The following ZC3H3 variants were observed in gnomAD, a reference collection of about 807,000 sequenced individuals.
ZC3H3 encodes the protein zinc finger CCCH domain-containing protein 3.
ZC3H3 carries 36 observed loss-of-function variants against 77.3 expected under a neutral mutation model. The observed-to-expected ratio is 0.47, with a 90% CI of 0.36 to 0.61. The LOEUF is 0.61. ZC3H3 is among the 20% of genes least tolerant of loss of function. The probability of loss-of-function intolerance (pLI) is 0.00; values close to 1 mark genes in which losing one functional copy is unlikely to be tolerated. For synonymous variants in ZC3H3, 626 were observed against 555.2 expected (o/e 1.13, Z -1.79); for missense variants, 1,331 against 1,312.2 (o/e 1.01, Z -0.22).
intron 3 of ZC3H3, among the ~76,000 whole-genome samples, chr8:143,516,944 C>T (rs1563874098): frequency 6.6e-6 from 1 of 152,222 alleles, no homozygotes; most frequent in Non-Finnish European, 1.5e-5. Context: ...TGACAAATGA[C>T]CGCTGTCAGC....
At chr8:143,440,828 C>A in intron 10 of ZC3H3, 108 bp downstream of exon 10, 1 of 1,205,170 alleles carries the variant, frequency 8.3e-7, no homozygotes, top group Non-Finnish European at 1.1e-6. Context: ...TGGTCTGAGG[C>A]CCAAAGAGCT....
chr8:143,466,878 G>A (rs1320704074), intron 8 of ZC3H3, among the ~76,000 whole-genome samples: 6 of 152,318 alleles, frequency 3.9e-5, no homozygotes, highest in Admixed American at 3.9e-4. Flanking sequence ...GGGGCCTGAG[G>A]AGCCCTGGGG....
At chr8:143,534,851 C>T (rs564693620) in intron 3 of ZC3H3, among the ~76,000 whole-genome samples, 1 of 152,074 alleles carries the variant, frequency 6.6e-6, no homozygotes, top group Admixed American at 6.5e-5. Context: ...GGGGTACAGC[C>T]GACCAGCGCC....
rs569913180 is a variant in ZC3H3, at chr8:143,529,117, G to C, written c.1561+7140C>G. Among the ~76,000 whole-genome samples the C allele has an allele frequency of 6.6e-3, 1,009 of 152,322 alleles. 9 individuals are homozygous for C. The highest frequency in any genetic ancestry group is 8.6e-3 in the Admixed American group (132 of 15,302). On this transcript the variant is annotated intron_variant, in intron 3 of 11. Transcript: ENST00000262577. Reference sequence around the variant, plus strand: ...CTGTGCACACCTAAGGGTGGGGGACGGGCCTGGCCAGAGGTTGGGCCTGGT... The same window carrying C: ...CTGTGCACACCTAAGGGTGGGGGACCGGCCTGGCCAGAGGTTGGGCCTGGT...
At chr8:143,501,048 C>G (rs1031885939) in intron 4 of ZC3H3, among the ~76,000 whole-genome samples, 1 of 150,614 alleles carries the variant, frequency 6.6e-6, no homozygotes, top group Admixed American at 6.6e-5. Flanking sequence ...TACTCCTGAC[C>G]TCAAGTGATC....
At chr8:143,491,293 C>T (rs1191161339) in intron 4 of ZC3H3, among the ~76,000 whole-genome samples, 2 of 152,248 alleles carry the variant, frequency 1.3e-5, no homozygotes, top group Non-Finnish European at 2.9e-5. Flanking sequence ...GATTTGTCAC[C>T]AGACACTCCC....
At chr8:143,471,086 C>T (rs1820549413) in intron 5 of ZC3H3, among the ~76,000 whole-genome samples, 1 of 152,202 alleles carries the variant, frequency 6.6e-6, no homozygotes, top group African/African-American at 2.4e-5. Context: ...CCTGCTCCGG[C>T]CAGCACCCAC....
At chr8:143,497,449 C>T (rs1821384599) in intron 4 of ZC3H3, among the ~76,000 whole-genome samples, 1 of 152,218 alleles carries the variant, frequency 6.6e-6, no homozygotes, top group Admixed American at 6.5e-5. Flanking sequence ...GCCAGGGGGG[C>T]AGCCTGGGGT....
Position 143,441,078 on chromosome 8 carries a change from T to C in ZC3H3, c.2350A>G (p.Arg784Gly). The C allele has an allele frequency of 6.8e-7, 1 of 1,469,638 alleles. No individual in the cohort carries two copies. Among genetic ancestry groups the C allele is most frequent in the Middle Eastern group, 1.8e-4 (1 of 5,708 alleles). 91.0% of individuals were successfully genotyped at this position (1,469,638 alleles called of 1,614,324 possible). ...TGGGCGCCGCGGGGACACGCCCCCCTGCGGGCAAAGTCGGGGCACAGCAGC... is the reference window on the plus strand; with the variant it reads ...TGGGCGCCGCGGGGACACGCCCCCCCGCGGGCAAAGTCGGGGCACAGCAGC... ...HTLLCPDFAR[R>G]GACPRGAQCQ... is the part of the protein sequence containing the mutation. The change falls in exon 10 of 12, where the codon AGG becomes GGG. Residue 784 changes from arginine (R) to glycine (G), a missense_variant. Physicochemically the swap from Arg to Gly is moderately radical, Grantham distance 125. This residue lies in a region of ZC3H3 where 249 missense variants were observed against 236.9 expected (regional missense o/e 1.05). Coordinates refer to ENST00000262577, the MANE Select transcript of ZC3H3 (RefSeq NM_015117.3).
At chr8:143,495,376 A>G (rs1012909897) in intron 4 of ZC3H3, among the ~76,000 whole-genome samples, 1 of 152,118 alleles carries the variant, frequency 6.6e-6, no homozygotes, top group African/African-American at 2.4e-5. Flanking sequence ...TTAGAGGCAC[A>G]GGATGCTCCA....
At chr8:143,459,285 C>T (rs371904548) in intron 9 of ZC3H3, among the ~76,000 whole-genome samples, 16 of 152,344 alleles carry the variant, frequency 1.1e-4, no homozygotes, top group African/African-American at 3.6e-4. Flanking sequence ...CAATGGCTCA[C>T]GCCTATAATC....
chr8:143,464,407 G>T (rs906757655), intron 9 of ZC3H3, among the ~76,000 whole-genome samples: 1 of 152,244 alleles, frequency 6.6e-6, no homozygotes, highest in African/African-American at 2.4e-5. Flanking sequence ...TTTCAGGTTG[G>T]GGAGCCCGGC....
intron 9 of ZC3H3, among the ~76,000 whole-genome samples, chr8:143,459,266 G>A (rs931974482): frequency 4.6e-5 from 7 of 152,080 alleles, no homozygotes; most frequent in African/African-American, 1.7e-4. Context: ...ACACATCAAG[G>A]GCCAGGTGCA....
At chr8:143,439,205 G>A (rs566600270) in intron 11 of ZC3H3, among the ~76,000 whole-genome samples, 204 of 152,242 alleles carry the variant, frequency 1.3e-3, no homozygotes, top group Non-Finnish European at 1.7e-3. Flanking sequence ...CCCAGGTCTC[G>A]TGGGGCGGAG....
At chr8:143,495,563 C>T (rs906579233) in intron 4 of ZC3H3, among the ~76,000 whole-genome samples, 2 of 152,084 alleles carry the variant, frequency 1.3e-5, no homozygotes, top group African/African-American at 2.4e-5. Context: ...GTATGCGTTG[C>T]GCAGGTGCAT....
At chr8:143,463,025 G>A (rs10111294) in intron 9 of ZC3H3, among the ~76,000 whole-genome samples, 56,227 of 149,434 alleles carry the variant, frequency 0.38, 10,981 homozygotes, top group Middle Eastern at 0.46. Flanking sequence ...CTCTTGTCAC[G>A]TAGGCTGGAG....
In ZC3H3 at chr8:143,530,307, T is replaced by G. The variant is rs1822560753; in HGVS notation, c.1561+5950A>C. ...TTCCCAGGCAGGGCCCTGGGCTTAT[T>G]CCAGGCCACGGGGGAAGGGGGCAGG... On this transcript the variant is annotated intron_variant, in intron 3 of 11. Coordinates refer to ENST00000262577, the MANE Select transcript of ZC3H3 (RefSeq NM_015117.3). The surrounding 1 kb of genome is among the most constrained non-coding windows in gnomAD (Gnocchi z 4.3). Among the ~76,000 whole-genome samples, 1 of 152,030 alleles carries G rather than the reference T, an allele frequency of 6.6e-6. No individual in the cohort carries two copies. Among genetic ancestry groups the G allele is most frequent in the Non-Finnish European group, 1.5e-5 (1 of 67,976 alleles).
chr8:143,445,153 A>G (rs974685694), intron 9 of ZC3H3, among the ~76,000 whole-genome samples: 2 of 152,214 alleles, frequency 1.3e-5, no homozygotes, highest in Non-Finnish European at 2.9e-5. Context: ...AAGCCAAGGC[A>G]GGCGGATCAC....
chr8:143,456,446 G>C (rs1193426378), intron 9 of ZC3H3, among the ~76,000 whole-genome samples: 1 of 152,022 alleles, frequency 6.6e-6, no homozygotes, highest in Non-Finnish European at 1.5e-5. Flanking sequence ...TACATTTAAA[G>C]TAAAAAGAGA....
Sources: gnomAD v4.1 joint callset for allele counts (sites outside exome capture counted in the v4.1 genomes callset) on GRCh38, gnomAD v4.1.1 for gene constraint, gnomAD v4.1.1 regional missense constraint, Gnocchi (gnomAD v3.1) non-coding constraint, MANE v1.5 for transcripts, NCBI Gene and HGNC (gene_info 2026-07-23, HGNC 2026-07-21) for gene names.